ESYT3: variants seen among roughly 807,000 people sequenced by gnomAD.
ESYT3 encodes extended synaptotagmin-3.
In ESYT3, 101 loss-of-function variants were observed where a neutral mutation model predicts 111.5. That is an observed-to-expected ratio of 0.91 (90% CI 0.77 to 1.07). The LOEUF (loss-of-function observed/expected upper bound fraction) is 1.07. Among genes scored for constraint, ESYT3 ranks in the 50% least tolerant of loss-of-function variants. ESYT3 has a pLI of 0.00. For missense variants in ESYT3, 1,097 were observed against 1,109.4 expected, an observed-to-expected ratio of 0.99 and a Z score of 0.16; for synonymous variants, 416 against 446.8, an observed-to-expected ratio of 0.93 and a Z score of 0.87.
intron 1 of ESYT3, among the ~76,000 whole-genome samples, chr3:138,445,354 GC>G (rs2031467052): frequency 1.3e-5 from 2 of 152,126 alleles, no homozygotes; most frequent in African/African-American, 4.8e-5. Flanking sequence ...GGGTGCGTTT[GC>G]CAAGCTTCAC....
chr3:138,445,774 A>G (rs1455127115), intron 1 of ESYT3, among the ~76,000 whole-genome samples: 1 of 152,222 alleles, frequency 6.6e-6, no homozygotes, highest in Non-Finnish European at 1.5e-5. Context: ...GATACCGAGC[A>G]TCATCCATGC....
rs1048826430 is a variant in ESYT3, at chr3:138,435,944, T to C, written c.327+819T>C. Reference sequence around the variant, plus strand: ...TGGTTGGTCTGCGGCAAACCCTTACTGTCTCTCCGGTGCTGGGGCTCTTCG... The same window carrying C: ...TGGTTGGTCTGCGGCAAACCCTTACCGTCTCTCCGGTGCTGGGGCTCTTCG... On this transcript the variant is annotated intron_variant, in intron 1 of 22. Coordinates refer to ENST00000389567, the MANE Select transcript of ESYT3 (RefSeq NM_031913.5). This position sits in a 1 kb window ranked among gnomAD's most constrained non-coding sequence, Gnocchi z 4.8. Among the ~76,000 whole-genome samples the C allele has an allele frequency of 3.9e-5, 6 of 152,148 alleles. No homozygotes were observed. The highest frequency in any genetic ancestry group is 1.4e-4 in the African/African-American group (6 of 41,432).
chr3:138,468,277 G>T, intron 12 of ESYT3, 83 bp downstream of exon 12: 3 of 1,290,724 alleles, frequency 2.3e-6, no homozygotes, highest in Non-Finnish European at 3.4e-6. Flanking sequence ...GGAAGGGTGG[G>T]AGATGATGCC....
intron 7 of ESYT3, 32 bp from the exon 8 acceptor site, chr3:138,462,053 AC>A (rs1476887480): frequency 3.1e-6 from 5 of 1,612,320 alleles, no homozygotes; most frequent in African/African-American, 1.3e-5. Flanking sequence ...AGGCAGTGCC[AC>A]CCCTCCACAG....
At chr3:138,449,767 A>T (rs1284661477) in intron 1 of ESYT3, among the ~76,000 whole-genome samples, 1 of 152,138 alleles carries the variant, frequency 6.6e-6, no homozygotes, top group East Asian at 1.9e-4. Flanking sequence ...CCCTCTTCCC[A>T]CCTTAGTACT....
intron 4 of ESYT3, among the ~76,000 whole-genome samples, chr3:138,458,133 C>A (rs1409647841): frequency 6.6e-6 from 1 of 152,162 alleles, no homozygotes; most frequent in Non-Finnish European, 1.5e-5. Flanking sequence ...GGAAGCCTTC[C>A]TGGAAGTGGC....
chr3:138,473,102 C>T, intron 18 of ESYT3: 1 of 1,394,704 alleles, frequency 7.2e-7, no homozygotes, highest in South Asian at 1.7e-5. Context: ...TGGTAAGGTC[C>T]CTTCCAGCAG....
At chr3:138,476,589 A>T in intron 22 of ESYT3, 97 bp downstream of exon 22, 1 of 1,261,080 alleles carries the variant, frequency 7.9e-7, no homozygotes, top group Non-Finnish European at 1.1e-6. Flanking sequence ...TCAAGAAGGG[A>T]GGGAGATGAA....
chr3:138,457,844 C>T (rs2032386568), intron 4 of ESYT3, among the ~76,000 whole-genome samples, 200 bp downstream of exon 4: 1 of 152,122 alleles, frequency 6.6e-6, no homozygotes, highest in South Asian at 2.1e-4. Flanking sequence ...TCTTGGAAGG[C>T]TAGACCTGGG....
Position 138,464,523 on chromosome 3 carries a change from T to C in ESYT3, c.1086+8T>C. 6.2e-7 allele frequency: 1 copy of C among 1,613,496 alleles called. No individual in the cohort carries two copies. Among genetic ancestry groups the C allele is most frequent in the South Asian group, 1.1e-5 (1 of 91,052 alleles). On this transcript the variant is annotated splice_region_variant and intron_variant, in intron 9 of 22. Coordinates refer to ENST00000389567, the MANE Select transcript of ESYT3 (RefSeq NM_031913.5). ...TGGAACGAAGTGTTTGAGGTAAGGGTCTCCTTGGCTGCTTCTAGCCTTCAC... is the reference window on the plus strand; with the variant it reads ...TGGAACGAAGTGTTTGAGGTAAGGGCCTCCTTGGCTGCTTCTAGCCTTCAC...
chr3:138,453,652 G>A (rs571384185), intron 2 of ESYT3, among the ~76,000 whole-genome samples: 1 of 152,206 alleles, frequency 6.6e-6, no homozygotes, highest in African/African-American at 2.4e-5. Flanking sequence ...CCTTGTGTAG[G>A]CCTCTGTGTA....
At chr3:138,475,649 C>T (rs2033443917) in intron 20 of ESYT3, among the ~76,000 whole-genome samples, 1 of 152,118 alleles carries the variant, frequency 6.6e-6, no homozygotes, top group South Asian at 2.1e-4. Flanking sequence ...TAGCCAGGGG[C>T]AGGTGTGGTG....
Position 138,472,833 on chromosome 3 carries a change from C to A in ESYT3, c.2211C>A (p.Asp737Glu). The A allele has an allele frequency of 6.2e-7, 1 of 1,614,100 alleles. No individual in the cohort carries two copies. The highest frequency in any genetic ancestry group is 8.5e-7 in the Non-Finnish European group (1 of 1,179,978). Residue 737 changes from aspartate to glutamate, a missense_variant, in exon 18 of 23, where the codon GAC becomes GAA. Asp to Glu is a conservative substitution (Grantham distance 45, BLOSUM62 2). Coordinates refer to ENST00000389567, the MANE Select transcript of ESYT3 (RefSeq NM_031913.5). ...ACTCCTTGGCCTCTTCTTGCTTTGA[C>A]CTGGCAGATATCAGCCTCAACATTG... ...SLNSLASSCF[D>E]LADISLNIEG...
intron 3 of ESYT3, among the ~76,000 whole-genome samples, chr3:138,456,976 C>T (rs776794906): frequency 1.1e-4 from 16 of 152,156 alleles, no homozygotes; most frequent in Admixed American, 4.6e-4. Context: ...CAGCACTCTT[C>T]ATGTCCTGGC....
chr3:138,467,657 T>C, intron 11 of ESYT3, 48 bp downstream of exon 11: 1 of 1,575,706 alleles, frequency 6.3e-7, no homozygotes, highest in Non-Finnish European at 8.7e-7. Flanking sequence ...GGTAGCCCTT[T>C]CCTGTGGACA....
Position 138,477,149 on chromosome 3 carries a change from CTT to C in ESYT3, c.*296_*297del, listed in dbSNP as rs2033522989. Reference sequence around the variant, plus strand: ...TTATCCAAACCTCAGTGTTTATATACTTAAACAAGTGCCACTTTTTAGTAGGT... The same window carrying C: ...TTATCCAAACCTCAGTGTTTATATACAAACAAGTGCCACTTTTTAGTAGGT... On this transcript the variant is annotated 3_prime_UTR_variant, in exon 23 of 23. Coordinates refer to ENST00000389567, the MANE Select transcript of ESYT3 (RefSeq NM_031913.5). 3.7e-6 allele frequency: 1 copy of C among 269,186 alleles called. No individual in the cohort carries two copies. Among genetic ancestry groups the C allele is most frequent in the Non-Finnish European group, 7.0e-6 (1 of 142,610 alleles). The allele number at this position is 269,186 out of a possible 1,614,324, so 16.7% of individuals were successfully genotyped here. A position where few individuals can be genotyped will look rare whatever the true frequency, so the allele number is the denominator to read the frequency against.
At chr3:138,474,183 C>CTTT in intron 19 of ESYT3, 38 bp from the exon 20 acceptor site, 7 of 1,222,772 alleles carry the variant, frequency 5.7e-6, no homozygotes, top group East Asian at 2.8e-5. Flanking sequence ...AACCAGGGCC[C>CTTT]TTTTTTTTTT....
At chr3:138,462,351 A>G in intron 8 of ESYT3, 145 bp downstream of exon 8, 4 of 1,147,752 alleles carry the variant, frequency 3.5e-6, no homozygotes, top group South Asian at 1.5e-5. Flanking sequence ...CGCCCACGTC[A>G]TAATTACTAA....
chr3:138,435,024 C>G lies in ESYT3; in HGVS notation c.226C>G (p.Arg76Gly), dbSNP rs2030531748. The change falls in exon 1 of 23, where the codon CGC becomes GGC. Residue 76 changes from arginine (R) to glycine (G), a missense_variant. Arg to Gly is a moderately radical substitution (Grantham distance 125, BLOSUM62 -2). Transcript: ENST00000389567. The surrounding 1 kb of genome is among the most constrained non-coding windows in gnomAD (Gnocchi z 4.8). ...ALLWMWWRRN[R>G]RGKLGRLAAA... The stretch of plus-strand genomic sequence containing the variant: ...GCTGTGGATGTGGTGGCGCAGGAAC[C>G]GCCGCGGGAAGCTTGGGCGCCTGGC... 1 of 1,580,356 alleles carries G rather than the reference C, an allele frequency of 6.3e-7. No homozygotes were observed. Among genetic ancestry groups the G allele is most frequent in the Non-Finnish European group, 8.6e-7 (1 of 1,164,022 alleles).
Sources: gnomAD v4.1 joint callset for allele counts (sites outside exome capture counted in the v4.1 genomes callset) on GRCh38, gnomAD v4.1.1 for gene constraint, Gnocchi (gnomAD v3.1) non-coding constraint, MANE v1.5 for transcripts, NCBI Gene and HGNC (gene_info 2026-07-23, HGNC 2026-07-21) for gene names.